GABPB2: variants seen among roughly 807,000 people sequenced by gnomAD.
GABPB2 encodes the protein GA binding protein transcription factor subunit beta 2, also known as GA-binding protein subunit beta-2.
In GABPB2, 23 loss-of-function variants were observed where a neutral mutation model predicts 39.1. The ratio of observed to expected loss-of-function variants is 0.59; its 90% CI spans 0.42 to 0.83. GABPB2 has a LOEUF of 0.83. GABPB2 is among the 40% of genes least tolerant of loss of function. GABPB2 has a pLI of 0.00. For missense variants in GABPB2, 467 were observed against 541.1 expected (o/e 0.86, Z 1.36); for synonymous variants, 184 against 199.3 (o/e 0.92, Z 0.65).
At chr1:151,102,806 G>A (rs1334888282) in intron 5 of GABPB2, among the ~76,000 whole-genome samples, 1 of 152,068 alleles carries the variant, frequency 6.6e-6, no homozygotes, top group East Asian at 1.9e-4. Context: ...CATCTATCTA[G>A]CTGATGAAAA....
intron 1 of GABPB2, among the ~76,000 whole-genome samples, chr1:151,071,453 C>CCTTTTT (rs1676708167): frequency 9.9e-6 from 1 of 100,506 alleles, no homozygotes; most frequent in Non-Finnish European, 1.8e-5. Flanking sequence ...CTTTTTTGCT[C>CCTTTTT]TTTTTTTTTT....
intron 1 of GABPB2, among the ~76,000 whole-genome samples, chr1:151,074,570 C>T (rs186460347): frequency 1.3e-4 from 19 of 151,618 alleles, no homozygotes; most frequent in African/African-American, 4.6e-4. Context: ...CCGCCCTCCT[C>T]AGCCTCCCAA....
At chr1:151,079,933 A>G (rs1677511705) in intron 1 of GABPB2, among the ~76,000 whole-genome samples, 1 of 142,744 alleles carries the variant, frequency 7.0e-6, no homozygotes. Flanking sequence ...ATAATAAAAC[A>G]TTGCCGGGCA....
intron 1 of GABPB2, among the ~76,000 whole-genome samples, chr1:151,082,669 A>G (rs1026756348): frequency 6.6e-6 from 1 of 151,510 alleles, no homozygotes; most frequent in African/African-American, 2.4e-5. Context: ...TCAGCCTCCC[A>G]AAGTGCTGGG....
chr1:151,085,823 A>C (rs2101470996), intron 1 of GABPB2, among the ~76,000 whole-genome samples: 1 of 152,288 alleles, frequency 6.6e-6, no homozygotes, highest in Middle Eastern at 3.4e-3. Context: ...TGTTTCAGTA[A>C]GCAGCAGAAG....
intron 5 of GABPB2, among the ~76,000 whole-genome samples, chr1:151,103,044 CT>C (rs376522230): frequency 0.019 from 1,692 of 88,176 alleles, 15 homozygotes; most frequent in African/African-American, 0.071. Flanking sequence ...ACAAAGTATA[CT>C]TTTTTTTTTT....
intron 7 of GABPB2, among the ~76,000 whole-genome samples, chr1:151,116,217 C>A (rs1433969491): frequency 6.6e-6 from 1 of 151,904 alleles, no homozygotes; most frequent in East Asian, 1.9e-4. Flanking sequence ...CACGGAGAAA[C>A]CCTGTCTCTA....
chr1:151,110,038 T>TTTTTTTC (rs1680296145), intron 7 of GABPB2, among the ~76,000 whole-genome samples: 3 of 125,352 alleles, frequency 2.4e-5, no homozygotes, highest in Admixed American at 2.4e-4. Context: ...TTTTTTTTTT[T>TTTTTTTC]TTTTGCAGAG....
intron 6 of GABPB2, among the ~76,000 whole-genome samples, chr1:151,106,369 G>A (rs1000515712): frequency 2.0e-5 from 3 of 150,802 alleles, no homozygotes; most frequent in Admixed American, 6.6e-5. Context: ...ACAGAGTCTC[G>A]CTCTGTCGCT....
intron 1 of GABPB2, among the ~76,000 whole-genome samples, chr1:151,080,946 C>T (rs1677633417): frequency 6.7e-6 from 1 of 150,364 alleles, no homozygotes; most frequent in Non-Finnish European, 1.5e-5. Flanking sequence ...AATCTCGGCT[C>T]ACTGCAACCT....
At position 151,097,929 on chromosome 1, in the gene GABPB2, A is replaced by G. The variant is rs111628112; in HGVS notation, c.549A>G (p.Pro183=). ...CTGACCCTGTGAGTATGGCTGCTCC[A>G]TTCATCTTCACGTCGGGTGAGGTTG... ...PVTDPVSMAA[P]FIFTSGEVVN... is the part of the protein sequence containing the mutation. The change falls in exon 5 of 9, where the codon CCA becomes CCG. Residue 183 remains proline, a synonymous_variant. Transcript: ENST00000368918. 43 of 1,614,134 alleles carry G rather than the reference A, an allele frequency of 2.7e-5. No homozygotes were observed. The highest frequency in any genetic ancestry group is 1.2e-4 in the African/African-American group (9 of 75,066).
chr1:151,103,778 A>C, intron 6 of GABPB2, 103 bp downstream of exon 6: 2 of 754,240 alleles, frequency 2.7e-6, no homozygotes, highest in Non-Finnish European at 4.4e-6. Flanking sequence ...AATTGCATTT[A>C]ATTAGAGGCA....
At chr1:151,109,160 C>A (rs768941907) in intron 7 of GABPB2, among the ~76,000 whole-genome samples, 7 of 151,866 alleles carry the variant, frequency 4.6e-5, no homozygotes, top group Non-Finnish European at 2.9e-5. Context: ...TGCCACTGCA[C>A]TCCAGCCTGG....
At chr1:151,099,940 AGTAT>A (rs750837843) in intron 5 of GABPB2, among the ~76,000 whole-genome samples, 3 of 152,220 alleles carry the variant, frequency 2.0e-5, no homozygotes, top group Non-Finnish European at 4.4e-5. Flanking sequence ...ATGAAAACGT[AGTAT>A]CTTAGCGAAG....
At chr1:151,073,298 T>A (rs1676876291) in intron 1 of GABPB2, 1 of 152,196 alleles carries the variant, frequency 6.6e-6, no homozygotes, top group Admixed American at 6.6e-5. Context: ...CTGGGATTTA[T>A]TTTATTCATC....
chr1:151,084,523 G>A (rs1678004646), intron 1 of GABPB2, among the ~76,000 whole-genome samples: 1 of 147,422 alleles, frequency 6.8e-6, no homozygotes, highest in Non-Finnish European at 1.5e-5. Context: ...ACCGCGCCCG[G>A]CCCTAGCTGT....
chr1:151,109,700 G>A (rs187334221), intron 7 of GABPB2, among the ~76,000 whole-genome samples: 1 of 151,422 alleles, frequency 6.6e-6, no homozygotes, highest in African/African-American at 2.4e-5. Flanking sequence ...TTTTGAGATA[G>A]GATCTCCCTT....
chr1:151,110,181 G>A (rs1041345974), intron 7 of GABPB2, among the ~76,000 whole-genome samples: 3 of 151,478 alleles, frequency 2.0e-5, no homozygotes, highest in African/African-American at 7.3e-5. Context: ...TTTTTGTACA[G>A]ACTGGGTCTT....
chr1:151,091,577 C>T (rs139171827), intron 3 of GABPB2, among the ~76,000 whole-genome samples: 97 of 147,058 alleles, frequency 6.6e-4, no homozygotes, highest in African/African-American at 2.2e-3. Context: ...TGGGTTCAAG[C>T]GATTCTCCTA....
Sources: gnomAD v4.1 joint callset for allele counts (sites outside exome capture counted in the v4.1 genomes callset) on GRCh38, gnomAD v4.1.1 for gene constraint, MANE v1.5 for transcripts, NCBI Gene and HGNC (gene_info 2026-07-23, HGNC 2026-07-21) for gene names.